GAREM1: variants seen among roughly 807,000 people sequenced by gnomAD.
GAREM1 encodes GRB2 associated regulator of MAPK1 subtype 1.
In GAREM1, 26 loss-of-function variants were observed where a neutral mutation model predicts 71.3. The ratio of observed to expected loss-of-function variants is 0.36; its 90% CI spans 0.27 to 0.51. The LOEUF is 0.51. Ranked by LOEUF, GAREM1 falls within the 20% of genes least tolerant of loss-of-function variation. The pLI is 0.95. For synonymous variants in GAREM1, 440 were observed against 433.2 expected (o/e 1.02, Z -0.20); for missense variants, 1,026 against 1,103.1 (o/e 0.93, Z 0.99).
At chr18:32,313,143 C>T (rs1414840549) in intron 2 of GAREM1, among the ~76,000 whole-genome samples, 3 of 152,116 alleles carry the variant, frequency 2.0e-5, no homozygotes, top group Non-Finnish European at 4.4e-5. Flanking sequence ...CAGATTCAGC[C>T]AGAGCCGAGA....
rs115836769 is a variant in GAREM1, at chr18:32,270,884, C to T, written c.1567-501G>A. Among the ~76,000 whole-genome samples the T allele has an allele frequency of 1.4e-3, 194 of 142,090 alleles. 1 individual carries two copies. Among genetic ancestry groups the T allele is most frequent in the African/African-American group, 4.2e-3 (165 of 39,516 alleles). 93.2% of individuals were successfully genotyped at this position (142,090 alleles called of 152,430 possible). On this transcript the variant is annotated intron_variant, in intron 4 of 5. Transcript: ENST00000269209. The stretch of plus-strand genomic sequence containing the variant: ...CCAGAGCTAAAGCTCCTTCTGAAGT[C>T]ATGTTCAGGGATGTTTTTTTTTTTT...
chr18:32,396,013 G>A (rs141701800), intron 1 of GAREM1, among the ~76,000 whole-genome samples: 17 of 152,322 alleles, frequency 1.1e-4, no homozygotes, highest in African/African-American at 3.6e-4. Context: ...AGCAATATTC[G>A]CTGTTCTGCA....
intron 1 of GAREM1, among the ~76,000 whole-genome samples, chr18:32,442,561 TATA>T (rs1316308374): frequency 6.6e-6 from 1 of 152,206 alleles, no homozygotes; most frequent in Non-Finnish European, 1.5e-5. Flanking sequence ...AAGATGACTT[TATA>T]ATAAAACTTT....
chr18:32,361,949 G>C (rs1488414175), intron 2 of GAREM1, among the ~76,000 whole-genome samples: 6 of 152,064 alleles, frequency 3.9e-5, no homozygotes, highest in African/African-American at 1.4e-4. Flanking sequence ...TTAAGTGTAT[G>C]AATTACACTT....
At chr18:32,357,825 TAATG>T in intron 2 of GAREM1, among the ~76,000 whole-genome samples, 1 of 152,170 alleles carries the variant, frequency 6.6e-6, no homozygotes, top group Non-Finnish European at 1.5e-5. Flanking sequence ...TAAATAATTG[TAATG>T]AATAAATAAG....
In GAREM1 at chr18:32,284,425, C is replaced by T. The variant is rs528413941; in HGVS notation, c.1566+2606G>A. Reference sequence around the variant, plus strand: ...CAAATTTAGCATTTCTTTTTTAGTACCAAGGGCAAAGCTGGACCTCTTAAT... The same window carrying T: ...CAAATTTAGCATTTCTTTTTTAGTATCAAGGGCAAAGCTGGACCTCTTAAT... On this transcript the variant is annotated intron_variant, in intron 4 of 5. Coordinates refer to ENST00000269209, the MANE Select transcript of GAREM1 (RefSeq NM_001242409.2). 6.6e-5 allele frequency among the ~76,000 whole-genome samples: 10 copies of T among 152,116 alleles called. No individual in the cohort carries two copies. The South Asian group carries it at 2.1e-3, about 32-fold the overall frequency.
chr18:32,432,673 G>A (rs1211694688), intron 1 of GAREM1, among the ~76,000 whole-genome samples: 1 of 152,026 alleles, frequency 6.6e-6, no homozygotes. Flanking sequence ...AACTCCACAC[G>A]TATAAATTTC....
intron 1 of GAREM1, among the ~76,000 whole-genome samples, chr18:32,465,549 T>A (rs2048991171): frequency 6.6e-6 from 1 of 152,210 alleles, no homozygotes; most frequent in Admixed American, 6.5e-5. Context: ...GCTCCTGTTC[T>A]ACCTACTTAG....
chr18:32,362,691 T>C (rs982816776), intron 2 of GAREM1, among the ~76,000 whole-genome samples: 2 of 152,234 alleles, frequency 1.3e-5, no homozygotes, highest in Non-Finnish European at 2.9e-5. Flanking sequence ...CATCCACTTA[T>C]GCTTCAACCT....
chr18:32,389,215 A>C (rs910160813), intron 2 of GAREM1, among the ~76,000 whole-genome samples: 2 of 152,200 alleles, frequency 1.3e-5, no homozygotes, highest in African/African-American at 4.8e-5. Flanking sequence ...AGCCCAAATA[A>C]CATTGAGGGG....
chr18:32,441,310 CCAA>C (rs1215242072), intron 1 of GAREM1, among the ~76,000 whole-genome samples: 4 of 151,196 alleles, frequency 2.6e-5, no homozygotes, highest in East Asian at 1.9e-4. Flanking sequence ...CGGCCAAAGT[CCAA>C]CAACAACGTC....
intron 1 of GAREM1, among the ~76,000 whole-genome samples, chr18:32,458,097 GTCTA>G (rs777151162): frequency 3.9e-5 from 6 of 152,006 alleles, no homozygotes; most frequent in African/African-American, 1.2e-4. Flanking sequence ...AAGTTGTGTC[GTCTA>G]TCTCTTATCT....
At chr18:32,452,569 C>T (rs1465689133) in intron 1 of GAREM1, among the ~76,000 whole-genome samples, 1 of 152,194 alleles carries the variant, frequency 6.6e-6, no homozygotes, top group Non-Finnish European at 1.5e-5. Flanking sequence ...TGGGCTGAAG[C>T]ATTTCCTTGC....
chr18:32,463,568 CTTTTTTTTT>C (rs138799660), intron 1 of GAREM1, among the ~76,000 whole-genome samples: 1 of 131,722 alleles, frequency 7.6e-6, no homozygotes, highest in Non-Finnish European at 1.6e-5. Flanking sequence ...TTTTAAATCA[CTTTTTTTTT>C]TTTTTTTTTT....
At chr18:32,314,471 G>A (rs111563273) in intron 2 of GAREM1, among the ~76,000 whole-genome samples, 181 of 152,268 alleles carry the variant, frequency 1.2e-3, no homozygotes, top group African/African-American at 4.1e-3. Context: ...GCCGCCATGA[G>A]GATTAAATGA....
At chr18:32,318,360 G>C (rs1161978161) in intron 2 of GAREM1, among the ~76,000 whole-genome samples, 2 of 152,142 alleles carry the variant, frequency 1.3e-5, no homozygotes, top group African/African-American at 4.8e-5. Flanking sequence ...CAGCTAAGAT[G>C]CTCCAAATCC....
intron 3 of GAREM1, among the ~76,000 whole-genome samples, chr18:32,289,550 A>C (rs1211232809): frequency 6.6e-6 from 1 of 152,144 alleles, no homozygotes; most frequent in African/African-American, 2.4e-5. Context: ...GCAATTTTAT[A>C]GCTTAACTAT....
At chr18:32,311,377 G>A (rs1398735123) in intron 2 of GAREM1, among the ~76,000 whole-genome samples, 2 of 152,166 alleles carry the variant, frequency 1.3e-5, no homozygotes, top group African/African-American at 4.8e-5. Context: ...CTACTAGGTG[G>A]AGACATTATT....
chr18:32,269,125 G>A (rs946526634), intron 5 of GAREM1, among the ~76,000 whole-genome samples: 1 of 152,188 alleles, frequency 6.6e-6, no homozygotes, highest in African/African-American at 2.4e-5. Context: ...TCTGCAGTGA[G>A]CGAGGGTAGA....
Sources: gnomAD v4.1 joint callset for allele counts (sites outside exome capture counted in the v4.1 genomes callset) on GRCh38, gnomAD v4.1.1 for gene constraint, MANE v1.5 for transcripts, NCBI Gene and HGNC (gene_info 2026-07-23, HGNC 2026-07-21) for gene names.